TMEM62: variants seen among roughly 807,000 people sequenced by gnomAD.
TMEM62 encodes transmembrane protein 62.
In TMEM62, 41 loss-of-function variants were observed where a neutral mutation model predicts 70.4. The observed-to-expected ratio is 0.58, with a 90% CI of 0.45 to 0.76. The LOEUF (loss-of-function observed/expected upper bound fraction) is 0.76, where lower values mean the gene tolerates loss of function less well. Ranked by LOEUF, TMEM62 falls within the 30% of genes least tolerant of loss-of-function variation. TMEM62 has a pLI of 0.00. For missense variants in TMEM62, 688 were observed against 788.5 expected (o/e 0.87, Z 1.53); for synonymous variants, 268 against 291.0 (o/e 0.92, Z 0.80).
intron 3 of TMEM62, among the ~76,000 whole-genome samples, chr15:43,137,704 T>G (rs1046217240): frequency 6.6e-6 from 1 of 152,204 alleles, no homozygotes; most frequent in Non-Finnish European, 1.5e-5. Context: ...CCGGGAATCA[T>G]GGAGTGTGTA....
Position 43,154,723 on chromosome 15 carries a change from T to G in TMEM62, c.1074T>G (p.Asp358Glu), listed in dbSNP as rs1428029847. 2 of 1,613,872 alleles carry G rather than the reference T, an allele frequency of 1.2e-6. No individual in the cohort carries two copies. Among genetic ancestry groups the G allele is most frequent in the Non-Finnish European group, 8.5e-7 (1 of 1,179,968 alleles). The change falls in exon 9 of 14, where the codon GAT becomes GAG. Residue 358 changes from aspartate (D) to glutamate (E), a missense_variant. Transcript: ENST00000260403. ...SSITSVTVKIDGVHLGQAVHV... is the reference protein window; with the variant it reads ...SSITSVTVKIEGVHLGQAVHV... The stretch of plus-strand genomic sequence containing the variant: ...TTACTTCTGTCACAGTTAAGATTGA[T>G]GGAGTTCATTTAGGCCAGGCTGTTC...
At chr15:43,164,149 A>C (rs1022822990) in intron 10 of TMEM62, among the ~76,000 whole-genome samples, 2 of 152,228 alleles carry the variant, frequency 1.3e-5, no homozygotes, top group African/African-American at 4.8e-5. Context: ...ATATTGGTCT[A>C]AGTATCTAAA....
chr15:43,147,435 A>G (rs1343016305), intron 5 of TMEM62, among the ~76,000 whole-genome samples: 1 of 152,262 alleles, frequency 6.6e-6, no homozygotes, highest in East Asian at 1.9e-4. Context: ...TTTAATAAGC[A>G]TATGCCCCTA....
Position 43,184,345 on chromosome 15 carries a change from T to A in TMEM62, c.1691T>A (p.Leu564His). 6.2e-7 allele frequency: 1 copy of A among 1,614,224 alleles called. No individual in the cohort carries two copies. Among genetic ancestry groups the A allele is most frequent in the Non-Finnish European group, 8.5e-7 (1 of 1,180,030 alleles). Residue 564 changes from leucine (L) to histidine (H), a missense_variant, in exon 14 of 14, where the codon CTC becomes CAC. Physicochemically the swap from Leu to His is moderately conservative, Grantham distance 99. Coordinates refer to ENST00000260403, the MANE Select transcript of TMEM62 (RefSeq NM_024956.4). Reference protein sequence around the residue: ...RCFGHNFRSHLHQRKYLKIMP... With the variant: ...RCFGHNFRSHHHQRKYLKIMP... ...TTTGGTCACAACTTCAGGTCTCATCTCCATCAAAGAAAATACTTGAAAATT... is the reference window on the plus strand; with the variant it reads ...TTTGGTCACAACTTCAGGTCTCATCACCATCAAAGAAAATACTTGAAAATT...
intron 2 of TMEM62, among the ~76,000 whole-genome samples, chr15:43,135,272 T>A (rs892676596): frequency 6.6e-6 from 1 of 152,202 alleles, no homozygotes; most frequent in Admixed American, 6.5e-5. Flanking sequence ...TAACAACCCA[T>A]TTCGAATATC....
In TMEM62 at chr15:43,138,296, C is replaced by G. The variant is rs142813264; in HGVS notation, c.431-278C>G. On this transcript the variant is annotated intron_variant, in intron 3 of 13. Coordinates refer to ENST00000260403, the MANE Select transcript of TMEM62 (RefSeq NM_024956.4). ...GGGCCAGGGCCATCTGGACTCTGTT[C>G]TGAGTCAGGGGCTGAGTCTACCCTT... is the stretch of plus-strand genomic sequence containing the variant. 2.5e-3 allele frequency among the ~76,000 whole-genome samples: 376 copies of G among 152,216 alleles called. 1 individual carries two copies. The highest frequency in any genetic ancestry group is 8.8e-3 in the African/African-American group (366 of 41,514).
At position 43,141,570 on chromosome 15, in the gene TMEM62, C is replaced by T. The variant is rs1047097442; in HGVS notation, c.476+2951C>T. 6.6e-5 allele frequency among the ~76,000 whole-genome samples: 10 copies of T among 152,328 alleles called. 1 individual carries two copies. Among genetic ancestry groups the T allele is most frequent in the East Asian group, 1.9e-4 (1 of 5,184 alleles). On this transcript the variant is annotated intron_variant, in intron 4 of 13. Transcript: ENST00000260403. Reference sequence around the variant, plus strand: ...TGAATGTTATTTTCATGCCTGCTAGCGCAGTATTCATTCTATAGCCAATGG... The same window carrying T: ...TGAATGTTATTTTCATGCCTGCTAGTGCAGTATTCATTCTATAGCCAATGG...
At chr15:43,144,624 A>G (rs945986109) in intron 4 of TMEM62, among the ~76,000 whole-genome samples, 4 of 152,228 alleles carry the variant, frequency 2.6e-5, no homozygotes, top group African/African-American at 7.2e-5. Context: ...TGGTGACATC[A>G]ATTTGAGGAT....
At chr15:43,142,844 GT>G (rs1449152896) in intron 4 of TMEM62, among the ~76,000 whole-genome samples, 2 of 149,108 alleles carry the variant, frequency 1.3e-5, no homozygotes, top group Non-Finnish European at 3.0e-5. Flanking sequence ...TAATTACTGT[GT>G]TTTTTATAGA....
chr15:43,151,956 A>G lies in TMEM62; in HGVS notation c.1022+11A>G. ...CTCAACACACATCAGGTATGTAGCA[A>G]TTTTTTAGAATTTACTTTCAGTTTG... On this transcript the variant is annotated intron_variant, in intron 8 of 13. Coordinates refer to ENST00000260403, the MANE Select transcript of TMEM62 (RefSeq NM_024956.4). The G allele has an allele frequency of 1.3e-6, 2 of 1,576,824 alleles. No homozygotes were observed. The highest frequency in any genetic ancestry group is 8.6e-7 in the Non-Finnish European group (1 of 1,161,766).
At chr15:43,171,289 T>C (rs900509542) in intron 11 of TMEM62, among the ~76,000 whole-genome samples, 2 of 151,410 alleles carry the variant, frequency 1.3e-5, no homozygotes, top group African/African-American at 4.9e-5. Context: ...TGAGCCGAGA[T>C]CATGTCACTG....
intron 3 of TMEM62, among the ~76,000 whole-genome samples, chr15:43,136,693 T>C (rs925274610): frequency 6.6e-6 from 1 of 151,890 alleles, no homozygotes; most frequent in Admixed American, 6.6e-5. Flanking sequence ...TGACCTCAAA[T>C]GATCTGCCCC....
At chr15:43,167,466 C>T (rs573486908) in intron 10 of TMEM62, among the ~76,000 whole-genome samples, 30 of 151,244 alleles carry the variant, frequency 2.0e-4, no homozygotes, top group South Asian at 8.4e-4. Context: ...CCGGCAGAGA[C>T]GCTCCTCACA....
At chr15:43,148,995 T>C in intron 6 of TMEM62, 34 bp from the exon 7 acceptor site, 3 of 1,612,174 alleles carry the variant, frequency 1.9e-6, no homozygotes, top group Non-Finnish European at 2.5e-6. Context: ...GCGTTATCTT[T>C]GTTCATTTAT....
intron 13 of TMEM62, 22 bp from the exon 14 acceptor site, chr15:43,184,238 C>G (rs1826169295): frequency 1.9e-6 from 3 of 1,596,478 alleles, no homozygotes; most frequent in East Asian, 2.2e-5. Context: ...TGGGAGTAAG[C>G]TATGGTTCTG....
intron 13 of TMEM62, among the ~76,000 whole-genome samples, chr15:43,183,531 C>T (rs2041580707): frequency 6.6e-6 from 1 of 152,200 alleles, no homozygotes. Context: ...ATGCACTTCC[C>T]TCCGCTGATT....
intron 9 of TMEM62, among the ~76,000 whole-genome samples, chr15:43,155,926 A>G (rs1310167601): frequency 6.6e-6 from 1 of 152,180 alleles, no homozygotes; most frequent in Non-Finnish European, 1.5e-5. Context: ...AATTTAGGGC[A>G]TTTAATTTAT....
chr15:43,149,570 C>T (rs1190818899), intron 7 of TMEM62, among the ~76,000 whole-genome samples: 1 of 151,782 alleles, frequency 6.6e-6, no homozygotes, highest in East Asian at 1.9e-4. Context: ...TTACAGGCAC[C>T]CACCATCATG....
intron 7 of TMEM62, among the ~76,000 whole-genome samples, chr15:43,149,887 T>C (rs1430332802): frequency 6.6e-6 from 1 of 152,250 alleles, no homozygotes; most frequent in Admixed American, 6.5e-5. Flanking sequence ...ATAGTTGGCT[T>C]TTTTAAGGTT....
Sources: allele counts gnomAD v4.1 joint callset (sites outside exome capture counted in the v4.1 genomes callset), GRCh38; gene constraint gnomAD v4.1.1; transcripts MANE v1.5; gene names NCBI Gene and HGNC (gene_info 2026-07-23, HGNC 2026-07-21).